The following ABCB11 variants were observed in gnomAD, a reference collection of about 807,000 sequenced individuals.
The protein encoded by ABCB11 is ATP binding cassette subfamily B member 11, also known as bile salt export pump.
Under a neutral mutation model 148.0 loss-of-function variants are expected in ABCB11, and 95 were observed. The ratio of observed to expected loss-of-function variants is 0.64; its 90% CI spans 0.54 to 0.76. ABCB11 has a LOEUF of 0.76. Among genes scored for constraint, ABCB11 ranks in the 30% least tolerant of loss-of-function variants. The pLI, the probability that ABCB11 is intolerant of heterozygous loss-of-function variation, is 0.00. For missense variants in ABCB11, 1,523 were observed against 1,617.8 expected, an observed-to-expected ratio of 0.94 and a Z score of 1.01; for synonymous variants, 591 against 555.4, an observed-to-expected ratio of 1.06 and a Z score of -0.90.
At chr2:168,930,008 A>G (rs1361049164) in intron 25 of ABCB11, among the ~76,000 whole-genome samples, 1 of 152,214 alleles carries the variant, frequency 6.6e-6, no homozygotes, top group Non-Finnish European at 1.5e-5. Flanking sequence ...GTGGGAGTGT[A>G]AGCATAAAGC....
At chr2:169,013,642 G>C in intron 4 of ABCB11, 132 bp from the exon 5 acceptor site, 3 of 654,220 alleles carry the variant, frequency 4.6e-6, no homozygotes, top group Non-Finnish European at 5.3e-6. Flanking sequence ...CCTTAATTGA[G>C]TGGCAGAGTT....
At position 168,921,581 on chromosome 2, in the gene ABCB11, G is replaced by T. The variant is rs1230406277; in HGVS notation, c.*2041C>A. Among the ~76,000 whole-genome samples the T allele has an allele frequency of 6.6e-6, 1 of 152,020 alleles. No homozygotes were observed. The highest frequency in any genetic ancestry group is 2.4e-5 in the African/African-American group (1 of 41,394). On this transcript the variant is annotated 3_prime_UTR_variant, in exon 28 of 28. Transcript: ENST00000650372. ...TTGAACACATTTATTACCATTTTTT[G>T]AGTGTTTTTCTAATCACTGCATTGG...
chr2:168,955,705 C>T (rs559037344), intron 19 of ABCB11, among the ~76,000 whole-genome samples: 1 of 151,698 alleles, frequency 6.6e-6, no homozygotes, highest in South Asian at 2.1e-4. Flanking sequence ...TCAACAGTCC[C>T]CTAAGTCTTA....
At chr2:168,970,696 C>T (rs1160677656) in intron 14 of ABCB11, 2 of 252,372 alleles carry the variant, frequency 7.9e-6, no homozygotes, top group African/African-American at 4.6e-5. Context: ...CCTAGCACAA[C>T]ATTGGAATCT....
At chr2:169,016,749 A>G (rs886655359) in intron 3 of ABCB11, 29 bp downstream of exon 3, 1 of 1,581,310 alleles carries the variant, frequency 6.3e-7, no homozygotes, top group East Asian at 2.2e-5. Flanking sequence ...TCTAGAAAAG[A>G]TGCTGCATTG....
chr2:168,975,628 T>TATAA (rs71297457), intron 12 of ABCB11, among the ~76,000 whole-genome samples: 2,893 of 29,086 alleles, frequency 0.099, 1,259 homozygotes, highest in East Asian at 0.28. Flanking sequence ...TAGATAAATA[T>TATAA]ATATTTACAT....
At chr2:169,030,080 T>G (rs570874853) in intron 1 of ABCB11, among the ~76,000 whole-genome samples, 1 of 152,286 alleles carries the variant, frequency 6.6e-6, no homozygotes, top group African/African-American at 2.4e-5. Context: ...ACTCCAGTAT[T>G]TGATTTCTGC....
At position 168,964,298 on chromosome 2, in the gene ABCB11, G is replaced by T. The variant is rs376216286; in HGVS notation, c.2086C>A (p.Arg696=). ...GAAAGCTGAGACTTGGAGCGTTGCC[G>T]GATGGAAGCCCTGTAAATAAACAGA... ...SYQDSLRASI[R]QRSKSQLSYL... is the part of the protein sequence containing the mutation. The change falls in exon 18 of 28, where the codon CGG becomes AGG. Residue 696 remains arginine, a synonymous_variant. Coordinates refer to ENST00000650372, the MANE Select transcript of ABCB11 (RefSeq NM_003742.4). 2.6e-5 allele frequency: 40 copies of T among 1,562,880 alleles called. No individual in the cohort carries two copies. The highest frequency in any genetic ancestry group is 3.3e-4 in the Middle Eastern group (2 of 5,994).
At chr2:168,986,044 T>TAATC (rs1694306989) in intron 10 of ABCB11, 66 bp downstream of exon 10, 2 of 1,274,680 alleles carry the variant, frequency 1.6e-6, no homozygotes, top group South Asian at 4.8e-5. Context: ...ACAAAATATC[T>TAATC]AATCCATGGA....
chr2:169,025,958 G>C (rs971287364), intron 1 of ABCB11, among the ~76,000 whole-genome samples: 1 of 152,114 alleles, frequency 6.6e-6, no homozygotes, highest in African/African-American at 2.4e-5. Context: ...TAATGTAGTG[G>C]GTATTTGTTC....
intron 2 of ABCB11, among the ~76,000 whole-genome samples, chr2:169,017,298 T>G (rs1695393022): frequency 6.6e-6 from 1 of 152,136 alleles, no homozygotes; most frequent in Admixed American, 6.6e-5. Context: ...GACCACATAC[T>G]GTTTTCCCCA....
chr2:168,976,599 T>A lies in ABCB11; in HGVS notation c.1286A>T (p.Tyr429Phe), dbSNP rs1416250688. 6.2e-6 allele frequency: 10 copies of A among 1,605,790 alleles called. No individual in the cohort carries two copies. The highest frequency in any genetic ancestry group is 8.5e-6 in the Non-Finnish European group (10 of 1,173,546). Residue 429 changes from tyrosine to phenylalanine, a missense_variant, in exon 12 of 28, where the codon TAT (tyrosine) becomes TTT (phenylalanine). Transcript: ENST00000650372. ...CACCTTCACCTCTGGTCTGGAAGGA[T>A]AATGGAAGGTCACATTATGGAATTC... ...EIEFHNVTFH[Y>F]PSRPEVKILN...
intron 23 of ABCB11, among the ~76,000 whole-genome samples, chr2:168,932,905 C>T (rs900090371): frequency 1.3e-5 from 2 of 151,922 alleles, no homozygotes; most frequent in African/African-American, 4.8e-5. Flanking sequence ...GTCAGAAGAT[C>T]GAGACCATCC....
At chr2:169,009,683 C>T (rs142404952) in intron 5 of ABCB11, among the ~76,000 whole-genome samples, 3,553 of 151,310 alleles carry the variant, frequency 0.023, 66 homozygotes, top group African/African-American at 0.041. Flanking sequence ...ATATATGTAG[C>T]AAACCTGCAC....
intron 1 of ABCB11, among the ~76,000 whole-genome samples, chr2:169,021,571 CA>C (rs1235125432): frequency 6.6e-6 from 1 of 151,496 alleles, no homozygotes; most frequent in Non-Finnish European, 1.5e-5. Flanking sequence ...GATAAACAGA[CA>C]AAAAATTAGA....
In ABCB11 at chr2:168,927,352, C is replaced by A. The variant is rs748967972; in HGVS notation, c.3422G>T (p.Gly1141Val). Residue 1141 changes from glycine (G) to valine (V), a missense_variant, in exon 26 of 28, where the codon GGT becomes GTT. Physicochemically the swap from Gly to Val is moderately radical, Grantham distance 109. Coordinates refer to ENST00000650372, the MANE Select transcript of ABCB11 (RefSeq NM_003742.4). ...DPDQGKVMID[G>V]HDSKKVNVQF... is the part of the protein sequence containing the mutation. The stretch of plus-strand genomic sequence containing the variant: ...GACATTTACTTTTTTGCTGTCATGA[C>A]CATCTATCATCTGCCAATAGAGGAG... The A allele has an allele frequency of 6.2e-7, 1 of 1,613,486 alleles. No individual in the cohort carries two copies. Among genetic ancestry groups the A allele is most frequent in the Non-Finnish European group, 8.5e-7 (1 of 1,179,544 alleles).
intron 26 of ABCB11, among the ~76,000 whole-genome samples, chr2:168,926,169 C>T (rs1691297625): frequency 1.3e-5 from 2 of 151,998 alleles, no homozygotes; most frequent in South Asian, 4.2e-4. Flanking sequence ...ATTTGGTTTC[C>T]ATGTTGTAAT....
intron 18 of ABCB11, among the ~76,000 whole-genome samples, chr2:168,963,412 A>G (rs777275972): frequency 3.3e-5 from 5 of 151,828 alleles, no homozygotes; most frequent in Non-Finnish European, 7.4e-5. Flanking sequence ...AAAATTTTCT[A>G]ACGAAGGGTG....
At chr2:168,947,608 A>G (rs1311404529) in intron 19 of ABCB11, among the ~76,000 whole-genome samples, 2 of 151,788 alleles carry the variant, frequency 1.3e-5, no homozygotes, top group East Asian at 1.9e-4. Context: ...GCAACTATAA[A>G]TAGACTCACA....
Sources: gnomAD v4.1 joint callset for allele counts (sites outside exome capture counted in the v4.1 genomes callset) on GRCh38, gnomAD v4.1.1 for gene constraint, MANE v1.5 for transcripts, NCBI Gene and HGNC (gene_info 2026-07-23, HGNC 2026-07-21) for gene names.